Variants in NUMB observed in about 807,000 individuals in gnomAD.
The protein encoded by NUMB is protein numb homolog.
In NUMB, 29 loss-of-function variants were observed where a neutral mutation model predicts 59.7. The observed-to-expected ratio is 0.49, with a 90% CI of 0.36 to 0.66. The LOEUF (loss-of-function observed/expected upper bound fraction) is 0.66. Among genes scored for constraint, NUMB ranks in the 30% least tolerant of loss-of-function variants. The pLI is 0.00. For missense variants in NUMB, 723 were observed against 822.0 expected (o/e 0.88, Z 1.47); for synonymous variants, 288 against 288.2 (o/e 1.00, Z 0.01).
At chr14:73,372,583 C>T (rs1291540602) in intron 2 of NUMB, among the ~76,000 whole-genome samples, 1 of 150,916 alleles carries the variant, frequency 6.6e-6, no homozygotes, top group Non-Finnish European at 1.5e-5. Context: ...TTATTTCAGC[C>T]TTTTCTCTTT....
chr14:73,424,919 CATA>C, intron 1 of NUMB, among the ~76,000 whole-genome samples: 1 of 152,328 alleles, frequency 6.6e-6, no homozygotes, highest in South Asian at 2.1e-4. Flanking sequence ...AATATGCAAA[CATA>C]TAAGTCATAA....
At chr14:73,406,341 G>C (rs890596485) in intron 2 of NUMB, among the ~76,000 whole-genome samples, 3 of 148,766 alleles carry the variant, frequency 2.0e-5, no homozygotes, top group Non-Finnish European at 3.0e-5. Flanking sequence ...GAGAACATGC[G>C]GTGTTTGGTT....
At chr14:73,350,115 C>CA (rs1332177222) in intron 4 of NUMB, among the ~76,000 whole-genome samples, 1 of 135,378 alleles carries the variant, frequency 7.4e-6, no homozygotes, top group Non-Finnish European at 1.5e-5. Flanking sequence ...ACACTGAAGT[C>CA]AGTGTTTCCT....
intron 2 of NUMB, among the ~76,000 whole-genome samples, chr14:73,396,505 G>A (rs1411532684): frequency 6.8e-6 from 1 of 146,178 alleles, no homozygotes; most frequent in Non-Finnish European, 1.5e-5. Flanking sequence ...ATACCACAAG[G>A]CCTGGCTAGT....
chr14:73,417,655 A>G (rs922977833), intron 1 of NUMB, among the ~76,000 whole-genome samples: 16 of 152,232 alleles, frequency 1.1e-4, no homozygotes, highest in African/African-American at 3.1e-4. Flanking sequence ...TAGAATCACT[A>G]TATATTCTAG....
At chr14:73,389,301 A>AAAAC (rs1491311950) in intron 2 of NUMB, among the ~76,000 whole-genome samples, 1 of 137,332 alleles carries the variant, frequency 7.3e-6, no homozygotes, top group African/African-American at 2.7e-5. Context: ...AAACAAAAAC[A>AAAAC]AAAACACTGG....
chr14:73,350,695 C>CTTT (rs71112733), intron 4 of NUMB, among the ~76,000 whole-genome samples: 14 of 133,730 alleles, frequency 1.0e-4, no homozygotes, highest in Admixed American at 1.5e-4. Context: ...CCACATCTAG[C>CTTT]TTTTTTTTTT....
chr14:73,401,254 C>G (rs902798574), intron 2 of NUMB, among the ~76,000 whole-genome samples: 8 of 152,102 alleles, frequency 5.3e-5, no homozygotes, highest in African/African-American at 1.7e-4. Context: ...TCTTATATCT[C>G]CTGTGTACTA....
chr14:73,361,704 AAT>A (rs1390444716), intron 3 of NUMB, among the ~76,000 whole-genome samples: 2 of 152,244 alleles, frequency 1.3e-5, no homozygotes, highest in African/African-American at 4.8e-5. Context: ...TTAATTAAAT[AAT>A]ATTCTGTATC....
At chr14:73,452,120 G>A (rs947323158) in intron 1 of NUMB, among the ~76,000 whole-genome samples, 2 of 152,166 alleles carry the variant, frequency 1.3e-5, no homozygotes, top group South Asian at 2.1e-4. Flanking sequence ...AGAACTTTGG[G>A]AGGCCAGGGT....
At position 73,412,464 on chromosome 14, in the gene NUMB, T is replaced by C. The variant is rs183839626; in HGVS notation, c.-232-2396A>G. On this transcript the variant is annotated intron_variant, in intron 1 of 12. Coordinates refer to ENST00000555238, the MANE Select transcript of NUMB (RefSeq NM_001005743.2). ...CCAACATAGAGAAACCCTATCTCTATTAAAAATACAAAATTAACTGGGCAT... is the reference window on the plus strand; with the variant it reads ...CCAACATAGAGAAACCCTATCTCTACTAAAAATACAAAATTAACTGGGCAT... Among the ~76,000 whole-genome samples the C allele has an allele frequency of 3.5e-3, 535 of 151,546 alleles. 13 individuals are homozygous for C. The highest frequency in any genetic ancestry group is 0.031 in the Admixed American group (470 of 15,206).
At chr14:73,448,844 GTATCTGA>G (rs1481838406) in intron 1 of NUMB, among the ~76,000 whole-genome samples, 1 of 151,996 alleles carries the variant, frequency 6.6e-6, no homozygotes, top group Non-Finnish European at 1.5e-5. Context: ...TCACATCTTG[GTATCTGA>G]GGGGGACTCG....
chr14:73,411,922 T>C, intron 1 of NUMB, among the ~76,000 whole-genome samples: 1 of 89,568 alleles, frequency 1.1e-5, no homozygotes, highest in African/African-American at 4.2e-5. Context: ...CAATTAACTT[T>C]TTTTTTTTTT....
At chr14:73,437,181 G>A (rs1381177284) in intron 1 of NUMB, among the ~76,000 whole-genome samples, 1 of 151,414 alleles carries the variant, frequency 6.6e-6, no homozygotes, top group Admixed American at 6.6e-5. Flanking sequence ...GAGTAGCTGG[G>A]CCTACAGGCA....
intron 2 of NUMB, among the ~76,000 whole-genome samples, chr14:73,395,097 T>C (rs1896066421): frequency 9.8e-6 from 1 of 102,126 alleles, no homozygotes; most frequent in Non-Finnish European, 2.2e-5. Context: ...GTGTGTTACA[T>C]GTGGCTGTAT....
intron 1 of NUMB, among the ~76,000 whole-genome samples, chr14:73,455,666 T>C (rs994789149): frequency 6.6e-6 from 1 of 152,236 alleles, no homozygotes; most frequent in African/African-American, 2.4e-5. Context: ...TGTATATGTT[T>C]TATATTAGTG....
chr14:73,429,151 C>A (rs1453470505), intron 1 of NUMB, among the ~76,000 whole-genome samples: 1 of 152,050 alleles, frequency 6.6e-6, no homozygotes, highest in African/African-American at 2.4e-5. Flanking sequence ...GCGGGCGGAT[C>A]GCGAGGTCAG....
intron 2 of NUMB, among the ~76,000 whole-genome samples, chr14:73,403,995 AG>A (rs1278770244): frequency 6.6e-6 from 1 of 151,510 alleles, no homozygotes; most frequent in East Asian, 1.9e-4. Context: ...CAGGAGACTG[AG>A]GCAGAAGAAT....
chr14:73,348,577 C>T (rs917277725), intron 4 of NUMB, among the ~76,000 whole-genome samples: 3 of 152,188 alleles, frequency 2.0e-5, no homozygotes, highest in Non-Finnish European at 4.4e-5. Flanking sequence ...GAACTACCCA[C>T]GTGAGGGATT....
Sources: allele counts gnomAD v4.1 joint callset (sites outside exome capture counted in the v4.1 genomes callset), GRCh38; gene constraint gnomAD v4.1.1; transcripts MANE v1.5; gene names NCBI Gene and HGNC (gene_info 2026-07-23, HGNC 2026-07-21).